Variants in TRPA1 observed in about 807,000 individuals in gnomAD.
TRPA1 encodes the protein transient receptor potential cation channel subfamily A member 1.
Under a neutral mutation model 131.3 loss-of-function variants are expected in TRPA1, and 129 were observed. The observed-to-expected ratio is 0.98, with a 90% CI of 0.85 to 1.14. TRPA1 has a LOEUF of 1.14. Among genes scored for constraint, TRPA1 ranks in the 50% most tolerant of loss-of-function variants. The probability of loss-of-function intolerance (pLI) is 0.00; values close to 1 mark genes in which losing one functional copy is unlikely to be tolerated. For synonymous variants in TRPA1, 441 were observed against 451.7 expected, an observed-to-expected ratio of 0.98 and a Z score of 0.30; for missense variants, 1,304 against 1,354.2, an observed-to-expected ratio of 0.96 and a Z score of 0.58.
the TRPA1 span, among the ~76,000 whole-genome samples, chr8:72,083,337 T>C: frequency 6.6e-6 from 1 of 152,168 alleles, no homozygotes; most frequent in Non-Finnish European, 1.5e-5. Context: ...TTTCTGAGTA[T>C]GGGCTACACT....
upstream of TRPA1, among the ~76,000 whole-genome samples, chr8:72,077,274 CAG>C (rs996354449): frequency 1.0e-4 from 5 of 48,832 alleles, no homozygotes; most frequent in Admixed American, 2.6e-4. Context: ...CCCCGAGAGA[CAG>C]GGGGTGACAG....
the TRPA1 span, among the ~76,000 whole-genome samples, chr8:72,082,532 CTAA>C: frequency 6.6e-6 from 1 of 152,116 alleles, no homozygotes; most frequent in African/African-American, 2.4e-5. Flanking sequence ...TTTAGAACAT[CTAA>C]TAAGGCAAGT....
intron 1 of TRPA1, among the ~76,000 whole-genome samples, chr8:72,074,909 C>T (rs570628039): frequency 6.6e-6 from 1 of 152,328 alleles, no homozygotes; most frequent in Non-Finnish European, 1.5e-5. Context: ...AGTTATCCAA[C>T]GACTACCAGA....
chr8:72,043,589 T>G lies in TRPA1; in HGVS notation c.2061+2924A>C, dbSNP rs144728431. The stretch of plus-strand genomic sequence containing the variant: ...AGTTACAGATTTCATTTCTAGAAAA[T>G]TCTCAGACATTATCCTTTCAATTTT... On this transcript the variant is annotated intron_variant, in intron 17 of 26. Transcript: ENST00000262209. Among the ~76,000 whole-genome samples the G allele has an allele frequency of 6.5e-3, 994 of 151,924 alleles. 3 individuals are homozygous for G. The highest frequency in any genetic ancestry group is 0.01 in the Non-Finnish European group (687 of 67,804).
chr8:72,085,584 CTTTGTTACTA>C, the TRPA1 span, among the ~76,000 whole-genome samples: 1 of 151,834 alleles, frequency 6.6e-6, no homozygotes, highest in African/African-American at 2.4e-5. Flanking sequence ...CCATCTTTCT[CTTTGTTACTA>C]TTTTTCTAAC....
chr8:72,066,495 C>A (rs1387057586), intron 3 of TRPA1, among the ~76,000 whole-genome samples: 1 of 152,168 alleles, frequency 6.6e-6, no homozygotes, highest in South Asian at 2.1e-4. Context: ...TATGCAACCT[C>A]CTACCAGAGC....
chr8:72,086,090 ATGGGGTT>A, the TRPA1 span, among the ~76,000 whole-genome samples: 14 of 152,024 alleles, frequency 9.2e-5, no homozygotes, highest in South Asian at 2.9e-3. Context: ...TTTAGTAGAG[ATGGGGTT>A]TCAACCTGTT....
chr8:72,061,904 T>A, intron 6 of TRPA1, 143 bp from the exon 7 acceptor site: 1 of 902,824 alleles, frequency 1.1e-6, no homozygotes, highest in Non-Finnish European at 1.7e-6. Context: ...ATCTGAAATG[T>A]GATAGATATT....
At position 72,057,753 on chromosome 8, in the gene TRPA1, C is replaced by G; in HGVS notation, c.1057G>C (p.Ala353Pro). Residue 353 changes from alanine (A) to proline (P), a missense_variant, in exon 9 of 27, where the codon GCA becomes CCA. Ala to Pro is a conservative substitution (Grantham distance 27, BLOSUM62 -1). Coordinates refer to ENST00000262209, the MANE Select transcript of TRPA1 (RefSeq NM_007332.3). ...RSPLILATASASWNIVNLLLS... is the reference protein window; with the variant it reads ...RSPLILATASPSWNIVNLLLS... The stretch of plus-strand genomic sequence containing the variant: ...AGCAAATTTACAATATTCCAAGATG[C>G]AGAAGCAGTTGCTAATATAAGTGGA... The G allele has an allele frequency of 2.5e-6, 4 of 1,613,910 alleles. No homozygotes were observed. Among genetic ancestry groups the G allele is most frequent in the Non-Finnish European group, 3.4e-6 (4 of 1,179,892 alleles).
At chr8:72,049,395 C>T (rs1442130107) in intron 15 of TRPA1, among the ~76,000 whole-genome samples, 2 of 152,116 alleles carry the variant, frequency 1.3e-5, no homozygotes, top group African/African-American at 2.4e-5. Flanking sequence ...AAAGGCAGCA[C>T]CAGGATTAAA....
At chr8:72,049,193 T>C (rs1563393206) in intron 15 of TRPA1, among the ~76,000 whole-genome samples, 1 of 152,184 alleles carries the variant, frequency 6.6e-6, no homozygotes, top group East Asian at 1.9e-4. Flanking sequence ...GTAGTACTAA[T>C]AACCACATAA....
At chr8:72,024,398 G>A (rs1049468686) in intron 25 of TRPA1, among the ~76,000 whole-genome samples, 1 of 152,144 alleles carries the variant, frequency 6.6e-6, no homozygotes, top group Non-Finnish European at 1.5e-5. Flanking sequence ...AGAGGGTCAA[G>A]GGCAGGTGTG....
At chr8:72,025,621 C>T (rs1396610974) in intron 25 of TRPA1, among the ~76,000 whole-genome samples, 1 of 152,154 alleles carries the variant, frequency 6.6e-6, no homozygotes, top group Non-Finnish European at 1.5e-5. Flanking sequence ...ATGTAAGTGA[C>T]ATGTGACTAG....
chr8:72,027,297 T>G (rs1172760317), intron 24 of TRPA1, among the ~76,000 whole-genome samples: 1 of 151,748 alleles, frequency 6.6e-6, no homozygotes, highest in African/African-American at 2.4e-5. Context: ...CTGGGGGAGG[T>G]TGGCAAGCAA....
chr8:72,057,622 T>C (rs1307140418), intron 9 of TRPA1, 95 bp downstream of exon 9: 4 of 944,514 alleles, frequency 4.2e-6, no homozygotes, highest in Non-Finnish European at 7.0e-6. Flanking sequence ...CAATAGATGG[T>C]GGCACACAAT....
chr8:72,027,616 T>G (rs16937933), intron 24 of TRPA1, among the ~76,000 whole-genome samples: 4 of 152,046 alleles, frequency 2.6e-5, no homozygotes, highest in Admixed American at 1.3e-4. Context: ...TCTCCCAGCA[T>G]GCATTGTCCC....
At chr8:72,084,123 A>G in the TRPA1 span, among the ~76,000 whole-genome samples, 1 of 152,150 alleles carries the variant, frequency 6.6e-6, no homozygotes, top group South Asian at 2.1e-4. Context: ...AGAACTGTTT[A>G]GGTTATAATC....
chr8:72,053,720 A>AT (rs1193652624), intron 13 of TRPA1, 33 bp downstream of exon 13: 7 of 1,520,812 alleles, frequency 4.6e-6, no homozygotes, highest in Admixed American at 3.4e-5. Context: ...CTATATTGAG[A>AT]TTTTGGGTAA....
chr8:72,075,452 C>A lies in TRPA1; in HGVS notation c.-43G>T. On this transcript the variant is annotated 5_prime_UTR_variant, in exon 1 of 27. Coordinates refer to ENST00000262209, the MANE Select transcript of TRPA1 (RefSeq NM_007332.3). Reference sequence around the variant, plus strand: ...CCACCTGGTGCAGCTGCTCACCACGCGCGCGGGCACCTGGGGCGAGAGAGC... The same window carrying A: ...CCACCTGGTGCAGCTGCTCACCACGAGCGCGGGCACCTGGGGCGAGAGAGC... 4.0e-6 allele frequency: 6 copies of A among 1,514,058 alleles called. No homozygotes were observed. Among genetic ancestry groups the A allele is most frequent in the South Asian group, 1.1e-5 (1 of 89,228 alleles). 93.8% of individuals were successfully genotyped at this position (1,514,058 alleles called of 1,614,324 possible).
Sources: gnomAD v4.1 joint callset for allele counts (sites outside exome capture counted in the v4.1 genomes callset) on GRCh38, gnomAD v4.1.1 for gene constraint, MANE v1.5 for transcripts, NCBI Gene and HGNC (gene_info 2026-07-23, HGNC 2026-07-21) for gene names.